The following LY96 variants were observed in gnomAD, a reference collection of about 807,000 sequenced individuals.
The protein encoded by LY96 is myeloid differentiation protein-2.
A neutral mutation model predicts 18.9 loss-of-function variants in LY96; 18 were observed. That is an observed-to-expected ratio of 0.95 (90% CI 0.66 to 1.41). The LOEUF (loss-of-function observed/expected upper bound fraction) is 1.41, where lower values mean the gene tolerates loss of function less well. Ranked by LOEUF, LY96 falls within the 40% of genes most tolerant of loss-of-function variation. The probability of loss-of-function intolerance (pLI) is 0.00; values close to 1 mark genes in which losing one functional copy is unlikely to be tolerated. For synonymous variants in LY96, 66 were observed against 62.6 expected, an observed-to-expected ratio of 1.06 and a Z score of -0.26; for missense variants, 175 against 182.4, an observed-to-expected ratio of 0.96 and a Z score of 0.23.
At chr8:74,032,067 G>A (rs1294336963), downstream of LY96, among the ~76,000 whole-genome samples, 2 of 152,196 alleles carry the variant, frequency 1.3e-5, no homozygotes, top group Non-Finnish European at 2.9e-5. Context: ...AGAGGTTGCA[G>A]TGAGCCGAAA....
At chr8:74,064,281 T>C in the LY96 span, among the ~76,000 whole-genome samples, 1,360 of 152,278 alleles carry the variant, frequency 8.9e-3, 24 homozygotes, top group African/African-American at 0.031. Context: ...TAAACCTATA[T>C]ATGTAATATA....
the LY96 span, among the ~76,000 whole-genome samples, chr8:74,069,133 A>G: frequency 6.6e-6 from 1 of 152,250 alleles, no homozygotes; most frequent in African/African-American, 2.4e-5. Flanking sequence ...CCTTTGTCAG[A>G]TAAATATATT....
At chr8:74,000,599 A>G (rs1374907841) in intron 1 of LY96, among the ~76,000 whole-genome samples, 1 of 152,114 alleles carries the variant, frequency 6.6e-6, no homozygotes. Flanking sequence ...TGTTCCTCCA[A>G]ACTCTTCCAG....
the LY96 span, among the ~76,000 whole-genome samples, chr8:74,048,229 A>C: frequency 6.6e-6 from 1 of 151,226 alleles, no homozygotes; most frequent in South Asian, 2.1e-4. Flanking sequence ...TTCTTACTCT[A>C]GGCTCTAAGC....
the LY96 span, among the ~76,000 whole-genome samples, chr8:74,077,868 G>A: frequency 6.6e-6 from 1 of 152,122 alleles, no homozygotes; most frequent in African/African-American, 2.4e-5. Flanking sequence ...AGCACTTTGG[G>A]AGGCTGAGGT....
the LY96 span, among the ~76,000 whole-genome samples, chr8:74,042,848 C>T: frequency 1.3e-5 from 2 of 151,358 alleles, no homozygotes; most frequent in Admixed American, 6.6e-5. Context: ...GTGAGCTCAT[C>T]TCACTGCAAC....
At chr8:74,018,784 C>A (rs1466680462) in intron 3 of LY96, among the ~76,000 whole-genome samples, 1 of 152,218 alleles carries the variant, frequency 6.6e-6, no homozygotes. Context: ...AAAAACTACA[C>A]AACTACATGG....
At chr8:74,088,124 A>AATGGAATGGAATG in the LY96 span, among the ~76,000 whole-genome samples, 3 of 151,586 alleles carry the variant, frequency 2.0e-5, no homozygotes, top group African/African-American at 7.3e-5. Flanking sequence ...AGAATAGAAT[A>AATGGAATGGAATG]GAATAGAATA....
chr8:74,010,526 T>C (rs1295641392), intron 3 of LY96, among the ~76,000 whole-genome samples: 2 of 152,136 alleles, frequency 1.3e-5, no homozygotes. Context: ...ATTACCACTT[T>C]AGAGCTATAT....
chr8:74,008,785 T>C (rs911579562), intron 2 of LY96, among the ~76,000 whole-genome samples: 10 of 152,196 alleles, frequency 6.6e-5, no homozygotes, highest in African/African-American at 2.4e-4. Context: ...CCTTATGTGG[T>C]ACTTGGCCTG....
the LY96 span, among the ~76,000 whole-genome samples, chr8:74,040,570 G>C: frequency 2.6e-4 from 40 of 152,208 alleles, 1 homozygote; most frequent in Non-Finnish European, 5.3e-4. Context: ...AGTTTTCCCA[G>C]CACCATTTAT....
chr8:74,016,291 G>A (rs1333198878), intron 3 of LY96, among the ~76,000 whole-genome samples: 2 of 152,256 alleles, frequency 1.3e-5, no homozygotes, highest in Admixed American at 6.5e-5. Context: ...GAACTGCAAG[G>A]CAGCAGCCTG....
At chr8:74,079,981 C>T in the LY96 span, among the ~76,000 whole-genome samples, 1 of 152,092 alleles carries the variant, frequency 6.6e-6, no homozygotes, top group East Asian at 1.9e-4. Context: ...CCAATGAGGA[C>T]AGAATAAAAG....
At chr8:74,081,042 CT>C in the LY96 span, among the ~76,000 whole-genome samples, 945 of 108,270 alleles carry the variant, frequency 8.7e-3, 10 homozygotes, top group African/African-American at 0.029. Flanking sequence ...TTCTTTCTTT[CT>C]TTCTTTTTCT....
At chr8:74,089,710 A>C in the LY96 span, among the ~76,000 whole-genome samples, 1 of 132,718 alleles carries the variant, frequency 7.5e-6, no homozygotes, top group Admixed American at 8.2e-5. Context: ...GAGTGCCTGC[A>C]GATAGTAGGT....
chr8:74,086,048 C>G, the LY96 span, among the ~76,000 whole-genome samples: 5 of 152,304 alleles, frequency 3.3e-5, no homozygotes, highest in East Asian at 3.9e-4. Context: ...CAACCACCCC[C>G]CTCCCAGCCC....
At chr8:74,037,197 G>A in the LY96 span, among the ~76,000 whole-genome samples, 1 of 152,110 alleles carries the variant, frequency 6.6e-6, no homozygotes, top group Admixed American at 6.6e-5. Flanking sequence ...CAGAAGGGAT[G>A]GATTCAAATT....
the LY96 span, among the ~76,000 whole-genome samples, chr8:74,038,484 T>A: frequency 6.6e-6 from 1 of 152,220 alleles, no homozygotes; most frequent in Non-Finnish European, 1.5e-5. Flanking sequence ...ATTAGCATAA[T>A]GACCTCCGGT....
chr8:74,036,920 G>A, the LY96 span, among the ~76,000 whole-genome samples: 1 of 152,170 alleles, frequency 6.6e-6, no homozygotes, highest in Admixed American at 6.6e-5. Context: ...TCACAGCATA[G>A]CTTTCTCTCA....
Sources: allele counts gnomAD v4.1 joint callset (sites outside exome capture counted in the v4.1 genomes callset), GRCh38; gene constraint gnomAD v4.1.1; transcripts MANE v1.5; gene names NCBI Gene and HGNC (gene_info 2026-07-23, HGNC 2026-07-21).